Variants in ATP7B observed in about 807,000 individuals in gnomAD.
ATP7B encodes the protein copper-transporting ATPase 2.
Under a neutral mutation model 118.9 loss-of-function variants are expected in ATP7B, and 113 were observed. The observed-to-expected ratio is 0.95, with a 90% CI of 0.82 to 1.11. The LOEUF (loss-of-function observed/expected upper bound fraction) is 1.11, where lower values mean the gene tolerates loss of function less well. Ranked by LOEUF, ATP7B falls within the 50% of genes most tolerant of loss-of-function variation. The probability of loss-of-function intolerance (pLI) is 0.00; values close to 1 mark genes in which losing one functional copy is unlikely to be tolerated. For missense variants in ATP7B, 1,867 were observed against 1,871.4 expected (o/e 1.00, Z 0.04); for synonymous variants, 777 against 727.4 (o/e 1.07, Z -1.10).
rs2041177971 is a variant in ATP7B, at chr13:51,933,772, G to GA, written c.*983dup. ...CCCACGAGGTGACAGTCAGAAGACT[G>GA]AAAACGAAGCCCCTTGGGCCGTGCA... On this transcript the variant is annotated 3_prime_UTR_variant, in exon 21 of 21. Coordinates refer to ENST00000242839, the MANE Select transcript of ATP7B (RefSeq NM_000053.4). 6.6e-6 allele frequency: 1 copy of GA among 152,234 alleles called. No homozygotes were observed. The highest frequency in any genetic ancestry group is 2.1e-4 in the South Asian group (1 of 4,824). The allele number at this position is 152,234 out of a possible 1,614,324, so 9.4% of individuals were successfully genotyped here.
At chr13:51,986,782 G>A (rs569579905) in intron 1 of ATP7B, among the ~76,000 whole-genome samples, 24 of 152,118 alleles carry the variant, frequency 1.6e-4, no homozygotes, top group Non-Finnish European at 2.9e-4. Context: ...ATCAATAAAC[G>A]AAATCCATCA....
intron 13 of ATP7B, among the ~76,000 whole-genome samples, chr13:51,944,885 G>C (rs1957552256): frequency 6.6e-6 from 1 of 152,176 alleles, no homozygotes; most frequent in South Asian, 2.1e-4. Context: ...GCTACATTCA[G>C]GTACCTGCAC....
At chr13:51,963,929 G>A (rs982586198) in intron 5 of ATP7B, among the ~76,000 whole-genome samples, 19 of 151,548 alleles carry the variant, frequency 1.3e-4, no homozygotes, top group African/African-American at 4.1e-4. Context: ...GTGCACGCCT[G>A]TAGTCCCAGC....
chr13:51,977,143 A>G (rs1411779165), intron 1 of ATP7B, among the ~76,000 whole-genome samples: 3 of 152,110 alleles, frequency 2.0e-5, no homozygotes, highest in African/African-American at 7.2e-5. Context: ...AGCCTGGGAG[A>G]CAAAACAAGA....
Position 51,960,177 on chromosome 13 carries a change from T to A in ATP7B, c.2092A>T (p.Ile698Phe). 1.2e-6 allele frequency: 2 copies of A among 1,600,440 alleles called. No homozygotes were observed. Among genetic ancestry groups the A allele is most frequent in the Middle Eastern group, 1.7e-4 (1 of 6,024 alleles). The stretch of plus-strand genomic sequence containing the variant: ...ACAAAGGTACACAAGATAAAGAAGA[T>A]GAGATTTAGAATGGACAGTCCTGGA... ...IIPGLSILNL[I>F]FFILCTFVQL... The change falls in exon 7 of 21, where the codon ATC becomes TTC. Residue 698 changes from isoleucine to phenylalanine, a missense_variant. Transcript: ENST00000242839.
At chr13:51,962,470 A>G (rs926933949) in intron 5 of ATP7B, among the ~76,000 whole-genome samples, 1 of 152,186 alleles carries the variant, frequency 6.6e-6, no homozygotes, top group South Asian at 2.1e-4. Context: ...TCTGACCACT[A>G]TATCTCTGAT....
At chr13:51,972,069 C>T (rs1288669331) in intron 2 of ATP7B, among the ~76,000 whole-genome samples, 1 of 152,190 alleles carries the variant, frequency 6.6e-6, no homozygotes, top group Admixed American at 6.5e-5. Flanking sequence ...TTACAACACA[C>T]CACCCACACA....
At chr13:51,958,827 C>T (rs1566536237) in intron 7 of ATP7B, 5 of 480,086 alleles carry the variant, frequency 1.0e-5, no homozygotes, top group East Asian at 8.1e-5. Context: ...AAAAAAATCA[C>T]GACTCATTTG....
intron 1 of ATP7B, 87 bp downstream of exon 1, chr13:52,011,200 T>TG: frequency 6.2e-7 from 1 of 1,602,584 alleles, no homozygotes. Context: ...GCGCACCCCC[T>TG]GGGGGCGAGT....
At chr13:52,010,299 A>G (rs888620760) in intron 1 of ATP7B, among the ~76,000 whole-genome samples, 1 of 152,248 alleles carries the variant, frequency 6.6e-6, no homozygotes, top group Non-Finnish European at 1.5e-5. Context: ...AAGGGCACCC[A>G]GCAACGTCAG....
intron 1 of ATP7B, among the ~76,000 whole-genome samples, chr13:52,003,302 C>A (rs1953604151): frequency 6.6e-6 from 1 of 151,992 alleles, no homozygotes; most frequent in Non-Finnish European, 1.5e-5. Flanking sequence ...TATTAATTGG[C>A]CTAATTTTAA....
At position 51,974,874 on chromosome 13, in the gene ATP7B, T is replaced by C. The variant is rs768491585; in HGVS notation, c.346A>G (p.Ile116Val). ...VVCLQQVCHQ[I>V]GDMGFEASIA... is the part of the protein sequence containing the mutation. ...CTGGCCTCGAAGCCCATGTCCCCAATTTGATGGCAAACCTGTTGCAGGCAC... is the reference window on the plus strand; with the variant it reads ...CTGGCCTCGAAGCCCATGTCCCCAACTTGATGGCAAACCTGTTGCAGGCAC... Residue 116 changes from isoleucine (I) to valine (V), a missense_variant, in exon 2 of 21, where the codon ATT becomes GTT. Transcript: ENST00000242839. 1.2e-6 allele frequency: 2 copies of C among 1,614,234 alleles called. No individual in the cohort carries two copies. Among genetic ancestry groups the C allele is most frequent in the South Asian group, 2.2e-5 (2 of 91,086 alleles).
In ATP7B at chr13:51,974,769, C is replaced by A; in HGVS notation, c.451G>T (p.Gly151Cys). The change falls in exon 2 of 21, where the codon GGC becomes TGC. Residue 151 changes from glycine to cysteine, a missense_variant. Coordinates refer to ENST00000242839, the MANE Select transcript of ATP7B (RefSeq NM_000053.4). ...QEAVVKLRVEGMTCQSCVSSI... is the reference protein window; with the variant it reads ...QEAVVKLRVECMTCQSCVSSI... ...CTGACACAGGACTGGCAGGTCATGC[C>A]CTCCACCCGGAGCTTGACCACAGCC... 6.2e-7 allele frequency: 1 copy of A among 1,614,178 alleles called. No homozygotes were observed. Among genetic ancestry groups the A allele is most frequent in the Non-Finnish European group, 8.5e-7 (1 of 1,180,036 alleles).
intron 1 of ATP7B, among the ~76,000 whole-genome samples, chr13:51,999,498 C>T (rs548023528): frequency 2.6e-5 from 4 of 152,258 alleles, no homozygotes; most frequent in South Asian, 2.1e-4. Context: ...GAGTGAAAAA[C>T]GATTATGATA....
At chr13:52,003,238 T>C (rs1593871987) in intron 1 of ATP7B, among the ~76,000 whole-genome samples, 1 of 152,198 alleles carries the variant, frequency 6.6e-6, no homozygotes, top group South Asian at 2.1e-4. Context: ...TTCTAGCTTT[T>C]GATTTAAAGG....
intron 1 of ATP7B, among the ~76,000 whole-genome samples, chr13:51,993,577 A>T (rs1953045969): frequency 6.6e-6 from 1 of 151,916 alleles, no homozygotes. Context: ...TAAAAAACTT[A>T]GAAAAAAACA....
rs75451106 is a variant in ATP7B at position 51,994,652 on chromosome 13, C to T, written c.51+16635G>A. Among the ~76,000 whole-genome samples the T allele has an allele frequency of 8.4e-3, 1,284 of 152,274 alleles. 3 individuals are homozygous for T. The highest frequency in any genetic ancestry group is 0.025 in the South Asian group (123 of 4,826). On this transcript the variant is annotated intron_variant, in intron 1 of 20. Coordinates refer to ENST00000242839, the MANE Select transcript of ATP7B (RefSeq NM_000053.4). The stretch of plus-strand genomic sequence containing the variant: ...CTCTTGCATAGCACATTTGAAAGTT[C>T]TTTTCACAAAATTTCCTTTAGTCTT...
Position 51,961,900 on chromosome 13 carries a change from T to A in ATP7B, c.1883A>T (p.His628Leu). The A allele has an allele frequency of 6.2e-7, 1 of 1,613,808 alleles. No homozygotes were observed. The highest frequency in any genetic ancestry group is 8.5e-7 in the Non-Finnish European group (1 of 1,179,844). Residue 628 changes from histidine (H) to leucine (L), a missense_variant, in exon 6 of 21, where the codon CAT becomes CTT. Physicochemically the swap from His to Leu is moderately conservative, Grantham distance 99 (BLOSUM62 -3). Transcript: ENST00000242839. ...IIKIIEEIGF[H>L]ASLAQRNPNA... ...GGGGTTTCTCTGGGCCAGGGAAGCA[T>A]GAAAGCCAATTTCCTTGTCATTAAA... is the stretch of plus-strand genomic sequence containing the variant.
intron 1 of ATP7B, among the ~76,000 whole-genome samples, chr13:51,986,211 A>G (rs1203014303): frequency 1.3e-5 from 2 of 152,228 alleles, no homozygotes; most frequent in Admixed American, 1.3e-4. Context: ...AAATCGATGC[A>G]ATAAAAAATG....
Sources: gnomAD v4.1 joint callset for allele counts (sites outside exome capture counted in the v4.1 genomes callset) on GRCh38, gnomAD v4.1.1 for gene constraint, MANE v1.5 for transcripts, NCBI Gene and HGNC (gene_info 2026-07-23, HGNC 2026-07-21) for gene names.